ULK4: variants seen among roughly 807,000 people sequenced by gnomAD.
ULK4 encodes the protein unc-51 like kinase 4.
Under a neutral mutation model 160.6 loss-of-function variants are expected in ULK4, and 133 were observed. That is an observed-to-expected ratio of 0.83 (90% CI 0.72 to 0.96). The LOEUF is 0.96. Ranked by LOEUF, ULK4 falls within the 40% of genes least tolerant of loss-of-function variation. The probability of loss-of-function intolerance (pLI) is 0.00; values close to 1 mark genes in which losing one functional copy is unlikely to be tolerated. For synonymous variants in ULK4, 534 were observed against 539.8 expected (o/e 0.99, Z 0.15); for missense variants, 1,580 against 1,499.5 (o/e 1.05, Z -0.89).
In ULK4 at chr3:41,772,888, C is replaced by T. The variant is rs2039448867; in HGVS notation, c.2193+16773G>A. The stretch of plus-strand genomic sequence containing the variant: ...TTATCCACCATGATCAAGTGGGCTT[C>T]ATCCCTGGGATGCAAGGCTGGTTCA... On this transcript the variant is annotated intron_variant, in intron 21 of 36. Transcript: ENST00000301831. 3.3e-5 allele frequency among the ~76,000 whole-genome samples: 5 copies of T among 152,220 alleles called. No individual in the cohort carries two copies. In the South Asian group the frequency reaches 1.0e-3, roughly 31 times the overall value.
chr3:41,657,694 G>A (rs541634989), intron 30 of ULK4, among the ~76,000 whole-genome samples: 1 of 151,890 alleles, frequency 6.6e-6, no homozygotes. Context: ...GCAGACGCCT[G>A]TAATCCCAGC....
At chr3:41,926,933 T>C (rs2148818448) in intron 5 of ULK4, among the ~76,000 whole-genome samples, 1 of 152,282 alleles carries the variant, frequency 6.6e-6, no homozygotes, top group East Asian at 1.9e-4. Context: ...TTCAGGATAT[T>C]ATCCAGGAGA....
At chr3:41,891,445 T>G (rs547117489) in intron 16 of ULK4, among the ~76,000 whole-genome samples, 1 of 82,758 alleles carries the variant, frequency 1.2e-5, no homozygotes, top group Non-Finnish European at 2.6e-5. Flanking sequence ...AGGCCTGAAA[T>G]GAAAAGAAAA....
At chr3:41,628,442 G>T (rs2033614158) in intron 30 of ULK4, among the ~76,000 whole-genome samples, 2 of 152,146 alleles carry the variant, frequency 1.3e-5, no homozygotes, top group East Asian at 1.9e-4. Context: ...CTGAGGAGGG[G>T]ACAGCATCAC....
chr3:41,718,195 A>T (rs1465310509), intron 22 of ULK4, among the ~76,000 whole-genome samples: 1 of 152,220 alleles, frequency 6.6e-6, no homozygotes, highest in Non-Finnish European at 1.5e-5. Flanking sequence ...TTCAAAGTAA[A>T]GCCACAAGTT....
intron 2 of ULK4, among the ~76,000 whole-genome samples, chr3:41,950,329 C>G (rs1700247528): frequency 6.6e-6 from 1 of 152,140 alleles, no homozygotes. Flanking sequence ...CAACCTCCAC[C>G]TCCTGAGTTC....
chr3:41,393,055 A>T (rs2081988786), intron 35 of ULK4, among the ~76,000 whole-genome samples: 1 of 152,192 alleles, frequency 6.6e-6, no homozygotes, highest in South Asian at 2.1e-4. Context: ...AGACTATGGG[A>T]TAACTAGATG....
chr3:41,826,378 G>C (rs1230127276), intron 18 of ULK4, among the ~76,000 whole-genome samples: 1 of 152,152 alleles, frequency 6.6e-6, no homozygotes, highest in Non-Finnish European at 1.5e-5. Flanking sequence ...TGGATCAAGA[G>C]TCAAGACCCA....
At chr3:41,526,785 C>T (rs989739684) in intron 32 of ULK4, among the ~76,000 whole-genome samples, 2 of 152,164 alleles carry the variant, frequency 1.3e-5, no homozygotes, top group Non-Finnish European at 2.9e-5. Context: ...CCTTCGAAGG[C>T]TTTGGCTTGG....
At chr3:41,856,537 G>GTGTATATATATATACA (rs2042347193) in intron 17 of ULK4, among the ~76,000 whole-genome samples, 1 of 87,830 alleles carries the variant, frequency 1.1e-5, no homozygotes, top group African/African-American at 3.6e-5. Flanking sequence ...ATATATGTAT[G>GTGTATATATATATACA]TATATATATA....
intron 17 of ULK4, among the ~76,000 whole-genome samples, chr3:41,854,369 A>C (rs149783199): frequency 6.6e-6 from 1 of 152,278 alleles, no homozygotes; most frequent in Non-Finnish European, 1.5e-5. Flanking sequence ...GATGACAGTG[A>C]GAAATACTAA....
intron 35 of ULK4, among the ~76,000 whole-genome samples, chr3:41,288,231 C>T (rs906324462): frequency 2.6e-5 from 4 of 152,058 alleles, no homozygotes. Context: ...AAATTATCTC[C>T]CCACTTCCCC....
chr3:41,353,702 C>CAAT (rs1454542883), intron 35 of ULK4, among the ~76,000 whole-genome samples: 1,629 of 21,320 alleles, frequency 0.076, 26 homozygotes, highest in East Asian at 0.39. Flanking sequence ...ATTACAATTA[C>CAAT]TACTACTACT....
At chr3:41,850,210 A>G (rs1296103852) in intron 17 of ULK4, among the ~76,000 whole-genome samples, 1 of 152,160 alleles carries the variant, frequency 6.6e-6, no homozygotes, top group Non-Finnish European at 1.5e-5. Flanking sequence ...CCAGTCTATC[A>G]TTGTGGGACA....
intron 35 of ULK4, among the ~76,000 whole-genome samples, chr3:41,347,892 T>A (rs1055992866): frequency 6.6e-6 from 1 of 152,042 alleles, no homozygotes; most frequent in Non-Finnish European, 1.5e-5. Flanking sequence ...GCAGGCAGAT[T>A]TCCTGATTTA....
intron 29 of ULK4, among the ~76,000 whole-genome samples, chr3:41,667,653 G>A (rs1234755902): frequency 6.6e-6 from 1 of 152,186 alleles, no homozygotes; most frequent in Non-Finnish European, 1.5e-5. Flanking sequence ...CCTGAGGCTG[G>A]CCAGAGACTA....
rs1178331973 is a variant in ULK4, at chr3:41,842,178, T to TAA, written c.1657-6209_1657-6208dup. Among the ~76,000 whole-genome samples the TAA allele has an allele frequency of 3.5e-3, 402 of 113,358 alleles. 5 individuals are homozygous for TAA. Among genetic ancestry groups the TAA allele is most frequent in the African/African-American group, 0.015 (334 of 22,528 alleles). 74.4% of individuals were successfully genotyped at this position (113,358 alleles called of 152,430 possible). On this transcript the variant is annotated intron_variant, in intron 17 of 36. Coordinates refer to ENST00000301831, the MANE Select transcript of ULK4 (RefSeq NM_017886.4). ...AGAAAATAACGCTGCAATGAACATG[T>TAA]AAAAAAAAAAATAAAAAAAAAGAAG...
At position 41,907,919 on chromosome 3, in the gene ULK4, T is replaced by C; in HGVS notation, c.1108A>G (p.Ser370Gly). ...LLSSRPTPRT[S>G]TAVEVSPGED... ...CCAGGACTTACTTCCACTGCAGTGC[T>C]AGTTCTGGGAGTAGGACGAGAACTG... Residue 370 changes from serine to glycine, a missense_variant, in exon 12 of 37, where the codon AGC becomes GGC. Coordinates refer to ENST00000301831, the MANE Select transcript of ULK4 (RefSeq NM_017886.4). 6.2e-7 allele frequency: 1 copy of C among 1,607,174 alleles called. No individual in the cohort carries two copies. The highest frequency in any genetic ancestry group is 8.5e-7 in the Non-Finnish European group (1 of 1,177,148).
chr3:41,859,472 C>A, intron 17 of ULK4: 1 of 550,174 alleles, frequency 1.8e-6, no homozygotes. Flanking sequence ...GGACAGGTCA[C>A]CAATATGGTA....
Sources: allele counts gnomAD v4.1 joint callset (sites outside exome capture counted in the v4.1 genomes callset), GRCh38; gene constraint gnomAD v4.1.1; transcripts MANE v1.5; gene names NCBI Gene and HGNC (gene_info 2026-07-23, HGNC 2026-07-21).